UBE2Z: variants seen among roughly 807,000 people sequenced by gnomAD.
UBE2Z encodes the protein ubiquitin conjugating enzyme E2 Z, also known as ubiquitin-conjugating enzyme E2 Z.
In UBE2Z, 10 loss-of-function variants were observed where a neutral mutation model predicts 32.6. That is an observed-to-expected ratio of 0.31 (90% CI 0.19 to 0.52). The LOEUF is 0.52. Ranked by LOEUF, UBE2Z falls within the 20% of genes least tolerant of loss-of-function variation. The pLI is 0.97. For synonymous variants in UBE2Z, 183 were observed against 190.8 expected (o/e 0.96, Z 0.34); for missense variants, 343 against 480.9 (o/e 0.71, Z 2.68).
rs974090766 is a variant in UBE2Z, at chr17:48,927,219, A to C, written c.*85A>C. ...CCCCAGGGATGGAGAGGCACTGTGT[A>C]TCTCCCTCCAGACTCGAAGTCATCC... is the stretch of plus-strand genomic sequence containing the variant. On this transcript the variant is annotated 3_prime_UTR_variant, in exon 7 of 7. Coordinates refer to ENST00000360943, the MANE Select transcript of UBE2Z (RefSeq NM_023079.5). 3 of 1,385,738 alleles carry C rather than the reference A, an allele frequency of 2.2e-6. No individual in the cohort carries two copies. The highest frequency in any genetic ancestry group is 1.4e-5 in the African/African-American group (1 of 69,992). 85.8% of individuals were successfully genotyped at this position (1,385,738 alleles called of 1,614,324 possible).
intron 6 of UBE2Z, among the ~76,000 whole-genome samples, chr17:48,923,633 G>C (rs1307080740): frequency 6.6e-6 from 1 of 151,122 alleles, no homozygotes; most frequent in East Asian, 1.9e-4. Context: ...AAAAAAAAAA[G>C]CTAAAAGCAA....
rs907122921 is a variant in UBE2Z at position 48,911,074 on chromosome 17, T to C, written c.390+194T>C. On this transcript the variant is annotated intron_variant, in intron 2 of 6. Transcript: ENST00000360943. The stretch of plus-strand genomic sequence containing the variant: ...ACTTTGAAGAGGTGTCTGTTATTAG[T>C]GTACCCCATAGGTACTGATTGGCTT... The C allele has an allele frequency of 3.9e-5, 23 of 596,770 alleles. No homozygotes were observed. In the Admixed American group the frequency reaches 5.4e-4, roughly 14 times the overall value. The allele number at this position is 596,770 out of a possible 1,614,324, so 37.0% of individuals were successfully genotyped here. A position where few individuals can be genotyped will look rare whatever the true frequency, so the allele number is the denominator to read the frequency against.
chr17:48,917,652 G>A (rs1036582998), intron 4 of UBE2Z, among the ~76,000 whole-genome samples: 1 of 152,166 alleles, frequency 6.6e-6, no homozygotes, highest in African/African-American at 2.4e-5. Context: ...CATGCTCTGT[G>A]CTGGACACTA....
At chr17:48,924,563 C>T (rs771082690) in intron 6 of UBE2Z, among the ~76,000 whole-genome samples, 18 of 149,626 alleles carry the variant, frequency 1.2e-4, no homozygotes, top group Non-Finnish European at 1.9e-4. Context: ...TGTAGATAGA[C>T]AGCCAGGTGC....
Position 48,922,865 on chromosome 17 carries a change from C to T in UBE2Z, c.822C>T (p.Ser274=), listed in dbSNP as rs143741978. ...PEPLRGVMEK[S]FLEYYDFYEV... Reference sequence around the variant, plus strand: ...TTTCCAGAGGGGTGATGGAGAAGTCCTTTCTGGAGTATTACGACTTCTACG... The same window carrying T: ...TTTCCAGAGGGGTGATGGAGAAGTCTTTTCTGGAGTATTACGACTTCTACG... Residue 274 remains serine, a synonymous_variant, in exon 6 of 7, where the codon TCC becomes TCT. Coordinates refer to ENST00000360943, the MANE Select transcript of UBE2Z (RefSeq NM_023079.5). 1.2e-5 allele frequency: 19 copies of T among 1,612,110 alleles called. No homozygotes were observed. The African/African-American group carries it at 2.5e-4, about 22-fold the overall frequency.
intron 3 of UBE2Z, chr17:48,915,670 A>G (rs1228688316): frequency 4.7e-6 from 1 of 212,410 alleles, no homozygotes; most frequent in Non-Finnish European, 9.4e-6. Flanking sequence ...GTGTCCCTTT[A>G]TGCTCAACTT....
Position 48,908,744 on chromosome 17 carries a change from A to T in UBE2Z, c.241A>T (p.Ser81Cys), listed in dbSNP as rs1598069451. The change falls in exon 1 of 7, where the codon AGC (serine) becomes TGC (cysteine). Residue 81 changes from serine (S) to cysteine (C), a missense_variant. By Grantham distance (112) the Ser-to-Cys change is moderately radical. Around this residue, in one of 4 missense-constraint regions of UBE2Z, gnomAD observed 55 missense variants for 56.2 expected, o/e 0.98. Transcript: ENST00000360943. ...SAAAHGAALL[S>C]HWDPTLSSDW... Reference sequence around the variant, plus strand: ...CGCTGCCCACGGGGCCGCGCTGCTTAGCCACTGGGACCCCACGCTCAGCTC... The same window carrying T: ...CGCTGCCCACGGGGCCGCGCTGCTTTGCCACTGGGACCCCACGCTCAGCTC... The T allele has an allele frequency of 6.7e-7, 1 of 1,486,956 alleles. No individual in the cohort carries two copies. Among genetic ancestry groups the T allele is most frequent in the Non-Finnish European group, 8.9e-7 (1 of 1,122,662 alleles). The allele number at this position is 1,486,956 out of a possible 1,614,324, so 92.1% of individuals were successfully genotyped here.
intron 1 of UBE2Z, 169 bp downstream of exon 1, chr17:48,908,989 C>G: frequency 2.7e-6 from 1 of 364,910 alleles, no homozygotes; most frequent in Non-Finnish European, 5.0e-6. Flanking sequence ...CAACTCCCTT[C>G]TCCCCCCACC....
In UBE2Z at chr17:48,927,142, T is replaced by G. The variant is rs2040803660; in HGVS notation, c.*8T>G. On this transcript the variant is annotated 3_prime_UTR_variant, in exon 7 of 7. Coordinates refer to ENST00000360943, the MANE Select transcript of UBE2Z (RefSeq NM_023079.5). Reference sequence around the variant, plus strand: ...GGGAGCCTGAGGGTTTAGACCCTGCTCCCATCTCCCCTTCCCCCACTCAAG... The same window carrying G: ...GGGAGCCTGAGGGTTTAGACCCTGCGCCCATCTCCCCTTCCCCCACTCAAG... The G allele has an allele frequency of 1.2e-6, 2 of 1,613,316 alleles. No homozygotes were observed. Among genetic ancestry groups the G allele is most frequent in the Non-Finnish European group, 1.7e-6 (2 of 1,179,616 alleles).
At position 48,910,498 on chromosome 17, in the gene UBE2Z, G is replaced by A. The variant is rs79883524; in HGVS notation, c.318-310G>A. On this transcript the variant is annotated intron_variant, in intron 1 of 6. Coordinates refer to ENST00000360943, the MANE Select transcript of UBE2Z (RefSeq NM_023079.5). ...TGAATGAATTGCCATGTGGGAGGAA[G>A]TGAGAGTAAGTGGAAAGTGGCTTTT... 2.6e-3 allele frequency: 799 copies of A among 305,826 alleles called. 5 individuals carry two copies. The highest frequency in any genetic ancestry group is 0.015 in the African/African-American group (713 of 47,642). 18.9% of individuals were successfully genotyped at this position (305,826 alleles called of 1,614,324 possible).
rs1555580093 is a variant in UBE2Z at position 48,916,258 on chromosome 17, G to GTTGTTTTTT, written c.690+73_690+74insGTTTTTTTT. The GTTGTTTTTT allele has an allele frequency of 2.6e-5, 11 of 418,996 alleles. No homozygotes were observed. In the East Asian group the frequency reaches 3.2e-4, roughly 12 times the overall value. The allele number at this position is 418,996 out of a possible 1,614,324, so 26.0% of individuals were successfully genotyped here. ...GTTTGTTTGGTTGGTTGGTTTTTTT[G>GTTGTTTTTT]TTTTTTTTTTTTTTTGAGACAGAGT... On this transcript the variant is annotated intron_variant, in intron 4 of 6. Coordinates refer to ENST00000360943, the MANE Select transcript of UBE2Z (RefSeq NM_023079.5).
rs140133861 is a variant in UBE2Z, at chr17:48,915,761, G to A, written c.579-315G>A. 3.8e-3 allele frequency: 1,022 copies of A among 270,828 alleles called. 4 individuals carry two copies. The highest frequency in any genetic ancestry group is 7.5e-3 in the Admixed American group (126 of 16,736). The allele number at this position is 270,828 out of a possible 1,614,324, so 16.8% of individuals were successfully genotyped here. A position where few individuals can be genotyped will look rare whatever the true frequency, so the allele number is the denominator to read the frequency against. On this transcript the variant is annotated intron_variant, in intron 3 of 6. Coordinates refer to ENST00000360943, the MANE Select transcript of UBE2Z (RefSeq NM_023079.5). ...GGAGATTAACATTTAGACAACTTTG[G>A]AGCTAATTGCTTACCTAATTTCTTT... is the stretch of plus-strand genomic sequence containing the variant.
At chr17:48,922,049 T>C (rs2040762829) in intron 5 of UBE2Z, among the ~76,000 whole-genome samples, 1 of 152,028 alleles carries the variant, frequency 6.6e-6, no homozygotes, top group Non-Finnish European at 1.5e-5. Context: ...TAATGGTGAA[T>C]ATTACAGTCA....
intron 5 of UBE2Z, 37 bp downstream of exon 5, chr17:48,921,309 G>T (rs1461800448): frequency 6.5e-7 from 1 of 1,540,302 alleles, no homozygotes; most frequent in South Asian, 1.2e-5. Flanking sequence ...ATTCCTTTCG[G>T]GCATTTGGGT....
rs1439003123 is a variant in UBE2Z at position 48,908,644 on chromosome 17, G to A, written c.141G>A (p.Ala47=). ...CGCCTTTCCTGCCGGATGTGTGGGC[G>A]GCGGCGGCGGCAGCGGGCGGGGCCG... is the stretch of plus-strand genomic sequence containing the variant. ...FGPPFLPDVW[A]AAAAAGGAGG... Residue 47 remains alanine, a synonymous_variant, in exon 1 of 7, where the codon GCG becomes GCA. Transcript: ENST00000360943. 2.4e-6 allele frequency: 3 copies of A among 1,226,698 alleles called. No homozygotes were observed. The highest frequency in any genetic ancestry group is 4.3e-5 in the Admixed American group (1 of 23,012). 76.0% of individuals were successfully genotyped at this position (1,226,698 alleles called of 1,614,324 possible).
intron 3 of UBE2Z, 59 bp from the exon 4 acceptor site, chr17:48,916,017 G>A (rs1208078029): frequency 8.4e-7 from 1 of 1,195,966 alleles, no homozygotes; most frequent in Non-Finnish European, 1.2e-6. Flanking sequence ...CGGGCCCCAG[G>A]GTACTTGTTC....
At chr17:48,908,931 CG>C in intron 1 of UBE2Z, 111 bp downstream of exon 1, 4 of 885,658 alleles carry the variant, frequency 4.5e-6, no homozygotes, top group Non-Finnish European at 6.0e-6. Context: ...GCCCTCGCGG[CG>C]GCCCACCTCC....
chr17:48,909,586 G>A (rs2143755306), intron 1 of UBE2Z, among the ~76,000 whole-genome samples: 1 of 128,020 alleles, frequency 7.8e-6, no homozygotes, highest in East Asian at 2.3e-4. Context: ...TTACTTCTAT[G>A]AAGCAAATAT....
chr17:48,918,058 T>C (rs1211785876), intron 4 of UBE2Z, among the ~76,000 whole-genome samples: 1 of 152,136 alleles, frequency 6.6e-6, no homozygotes, highest in Admixed American at 6.6e-5. Context: ...TGCCTCAGCC[T>C]CCCGAGTAGC....
Sources: gnomAD v4.1 joint callset for allele counts (sites outside exome capture counted in the v4.1 genomes callset) on GRCh38, gnomAD v4.1.1 for gene constraint, gnomAD v4.1.1 regional missense constraint, MANE v1.5 for transcripts, NCBI Gene and HGNC (gene_info 2026-07-23, HGNC 2026-07-21) for gene names.